Variants in COL9A1 observed in about 807,000 individuals in gnomAD.
COL9A1 encodes the protein collagen alpha-1(IX) chain.
Under a neutral mutation model 142.6 loss-of-function variants are expected in COL9A1, and 104 were observed. That is an observed-to-expected ratio of 0.73 (90% confidence interval 0.62 to 0.86). The LOEUF (loss-of-function observed/expected upper bound fraction) is 0.86, where lower values mean the gene tolerates loss of function less well. Ranked by LOEUF, COL9A1 falls within the 40% of genes least tolerant of loss-of-function variation. COL9A1 has a pLI of 0.00. For missense variants in COL9A1, 1,210 were observed against 1,176.6 expected (o/e 1.03, Z -0.42); for synonymous variants, 466 against 396.0 (o/e 1.18, Z -2.10).
Position 70,216,957 on chromosome 6 carries a change from C to T in COL9A1, c.2706G>A (p.Glu902=). Residue 902 remains glutamate (E), a synonymous_variant, in exon 38 of 38, where the codon GAG becomes GAA. Coordinates refer to ENST00000357250, the MANE Select transcript of COL9A1 (RefSeq NM_001851.6). ...PGPPGLPGFC[E]PASCTMQAGQ... ...CAGCCTGCATGGTGCAGGAGGCTGG[C>T]TCACAGAAACCGGGAAGCCCAGGAG... 2 of 1,614,154 alleles carry T rather than the reference C, an allele frequency of 1.2e-6. No individual in the cohort carries two copies. The highest frequency in any genetic ancestry group is 2.2e-5 in the South Asian group (2 of 91,078).
intron 36 of COL9A1, 105 bp downstream of exon 36, chr6:70,232,478 C>T (rs2127557482): frequency 3.2e-6 from 4 of 1,238,210 alleles, no homozygotes; most frequent in South Asian, 1.2e-5. Context: ...TCTTATCTCA[C>T]TGGATATTCA....
At chr6:70,253,184 T>G (rs1186441733) in intron 26 of COL9A1, 1 of 487,822 alleles carries the variant, frequency 2.0e-6, no homozygotes, top group East Asian at 3.5e-5. Flanking sequence ...GGAAATCTAA[T>G]TAGCAGCATT....
chr6:70,287,731 A>G (rs1056168980), intron 5 of COL9A1, among the ~76,000 whole-genome samples: 2 of 152,204 alleles, frequency 1.3e-5, no homozygotes, highest in Admixed American at 6.5e-5. Flanking sequence ...TCTAAATCCA[A>G]TGGTCAACTA....
At chr6:70,251,907 G>T (rs1770969308) in intron 28 of COL9A1, among the ~76,000 whole-genome samples, 1 of 152,098 alleles carries the variant, frequency 6.6e-6, no homozygotes, top group Non-Finnish European at 1.5e-5. Context: ...GGGCAGAAAG[G>T]GTCACCATGG....
intron 28 of COL9A1, among the ~76,000 whole-genome samples, chr6:70,249,003 T>G (rs564807737): frequency 1.3e-5 from 2 of 152,208 alleles, no homozygotes; most frequent in Admixed American, 1.3e-4. Context: ...AAAAGCCATT[T>G]AAATGCAGGG....
chr6:70,257,561 A>T (rs1406681832), intron 20 of COL9A1, among the ~76,000 whole-genome samples: 1 of 152,160 alleles, frequency 6.6e-6, no homozygotes, highest in Non-Finnish European at 1.5e-5. Context: ...CAGCCTGGCC[A>T]ACATGGAGAA....
At chr6:70,273,941 TAATAAATA>T (rs71309305) in intron 12 of COL9A1, 98 bp downstream of exon 12, 231 of 474,032 alleles carry the variant, frequency 4.9e-4, no homozygotes, top group South Asian at 8.7e-4. Flanking sequence ...TAAAGTATAA[TAATAAATA>T]AATAAATAAA....
intron 32 of COL9A1, 125 bp from the exon 33 acceptor site, chr6:70,239,411 G>C: frequency 1.5e-6 from 1 of 675,292 alleles, no homozygotes; most frequent in Non-Finnish European, 2.7e-6. Context: ...CTCCGGCACT[G>C]CAAAAAAATA....
rs1770208583 is a variant in COL9A1, at chr6:70,240,803, T to C, written c.2035-70A>G. 7.6e-6 allele frequency: 9 copies of C among 1,182,148 alleles called. No homozygotes were observed. The East Asian group carries it at 2.1e-4, about 28-fold the overall frequency. 73.2% of individuals were successfully genotyped at this position (1,182,148 alleles called of 1,614,324 possible). On this transcript the variant is annotated intron_variant, in intron 31 of 37. Coordinates refer to ENST00000357250, the MANE Select transcript of COL9A1 (RefSeq NM_001851.6). ...ATTGCCCAATTTTAACCAGTAAACATTGATAAGCATTCATAAGTGCCCACA... is the reference window on the plus strand; with the variant it reads ...ATTGCCCAATTTTAACCAGTAAACACTGATAAGCATTCATAAGTGCCCACA...
chr6:70,242,682 G>C lies in COL9A1; in HGVS notation c.1906C>G (p.Pro636Ala). The C allele has an allele frequency of 6.2e-7, 1 of 1,614,056 alleles. No individual in the cohort carries two copies. ...SRGELGPVGS[P>A]GLPGKLGSLG... ...CTTACCAGTTTACCTGGTAGGCCTGGGGATCCCACTGGTCCTAATTCTCCT... is the reference window on the plus strand; with the variant it reads ...CTTACCAGTTTACCTGGTAGGCCTGCGGATCCCACTGGTCCTAATTCTCCT... Residue 636 changes from proline to alanine, a missense_variant, in exon 29 of 38, where the codon CCA becomes GCA. Physicochemically the swap from Pro to Ala is conservative, Grantham distance 27. Coordinates refer to ENST00000357250, the MANE Select transcript of COL9A1 (RefSeq NM_001851.6).
intron 32 of COL9A1, 69 bp downstream of exon 32, chr6:70,240,618 GTA>G (rs10686639): frequency 2.1e-4 from 206 of 979,158 alleles, no homozygotes; most frequent in African/African-American, 2.9e-4. Flanking sequence ...TGTGTTAGAA[GTA>G]TATATATATA....
rs878857444 is a variant in COL9A1 at position 70,239,133 on chromosome 6, C to G, written c.2112+121G>C. The G allele has an allele frequency of 9.6e-5, 68 of 707,586 alleles. No individual in the cohort carries two copies. The South Asian group carries it at 1.2e-3, about 12-fold the overall frequency. 43.8% of individuals were successfully genotyped at this position (707,586 alleles called of 1,614,324 possible). On this transcript the variant is annotated intron_variant, in intron 33 of 37. Coordinates refer to ENST00000357250, the MANE Select transcript of COL9A1 (RefSeq NM_001851.6). ...ACGCCTGGGCGACAGAGTGAGACTC[C>G]ATCTCAAAAAAAAAAAGAATTGAAT...
intron 32 of COL9A1, 126 bp from the exon 33 acceptor site, chr6:70,239,412 C>A: frequency 1.5e-6 from 1 of 673,678 alleles, no homozygotes; most frequent in Non-Finnish European, 2.7e-6. Flanking sequence ...TCCGGCACTG[C>A]AAAAAAATAT....
intron 14 of COL9A1, among the ~76,000 whole-genome samples, chr6:70,271,145 G>T (rs118091521): frequency 6.6e-6 from 1 of 152,094 alleles, no homozygotes; most frequent in African/African-American, 2.4e-5. Flanking sequence ...ACAATTACGC[G>T]CCTTCACATA....
chr6:70,270,815 A>G (rs1772346869), intron 14 of COL9A1, among the ~76,000 whole-genome samples: 1 of 152,208 alleles, frequency 6.6e-6, no homozygotes, highest in Non-Finnish European at 1.5e-5. Context: ...TGACTCTTGC[A>G]AGTGCTGTTC....
At position 70,232,609 on chromosome 6, in the gene COL9A1, C is replaced by T. The variant is rs1287437607; in HGVS notation, c.2477G>A (p.Gly826Asp). The change falls in exon 36 of 38, where the codon GGT becomes GAT. Residue 826 changes from glycine (G) to aspartate (D), a missense_variant. Coordinates refer to ENST00000357250, the MANE Select transcript of COL9A1 (RefSeq NM_001851.6). ...TTTAGGTCCCCTCAAACCAAGAGCA[C>T]CAGGGGGCCCCTTAATGCCCGGAAG... is the stretch of plus-strand genomic sequence containing the variant. ...RGLPGIKGPPGALGLRGPKGD... is the reference protein window; with the variant it reads ...RGLPGIKGPPDALGLRGPKGD... 1.2e-6 allele frequency: 2 copies of T among 1,614,052 alleles called. No individual in the cohort carries two copies. The highest frequency in any genetic ancestry group is 1.7e-6 in the Non-Finnish European group (2 of 1,180,012).
At chr6:70,294,067 G>A (rs1312649387) in intron 5 of COL9A1, 100 bp downstream of exon 5, 5 of 1,462,056 alleles carry the variant, frequency 3.4e-6, no homozygotes, top group Non-Finnish European at 4.8e-6. Context: ...TTCCATCTGG[G>A]ACATGCTGCA....
chr6:70,254,230 T>C (rs35817754), intron 25 of COL9A1, among the ~76,000 whole-genome samples: 3 of 151,976 alleles, frequency 2.0e-5, no homozygotes, highest in Non-Finnish European at 4.4e-5. Context: ...AAAGACTGAG[T>C]AAACTAAAGA....
chr6:70,257,276 G>A (rs1430408184), intron 20 of COL9A1, among the ~76,000 whole-genome samples: 2 of 151,888 alleles, frequency 1.3e-5, no homozygotes, highest in Non-Finnish European at 2.9e-5. Flanking sequence ...GGCCAGGATG[G>A]TCCCAATCTC....
Sources: allele counts gnomAD v4.1 joint callset (sites outside exome capture counted in the v4.1 genomes callset), GRCh38; gene constraint gnomAD v4.1.1; transcripts MANE v1.5; gene names NCBI Gene and HGNC (gene_info 2026-07-23, HGNC 2026-07-21).